The following SLC7A10 variants were observed in gnomAD, a reference collection of about 807,000 sequenced individuals.
The protein encoded by SLC7A10 is asc-type amino acid transporter 1.
Under a neutral mutation model 52.7 loss-of-function variants are expected in SLC7A10, and 30 were observed. That is an observed-to-expected ratio of 0.57 (90% CI 0.43 to 0.77). The LOEUF (loss-of-function observed/expected upper bound fraction) is 0.77, where lower values mean the gene tolerates loss of function less well. Ranked by LOEUF, SLC7A10 falls within the 30% of genes least tolerant of loss-of-function variation. The pLI is 0.00. For synonymous variants in SLC7A10, 318 were observed against 314.9 expected (o/e 1.01, Z -0.10); for missense variants, 581 against 698.5 (o/e 0.83, Z 1.90).
chr19:33,213,953 C>T (rs1974614419), intron 2 of SLC7A10, among the ~76,000 whole-genome samples: 2 of 152,106 alleles, frequency 1.3e-5, no homozygotes, highest in Admixed American at 1.3e-4. Flanking sequence ...AGGACTGCCT[C>T]ATCGGGGACA....
At chr19:33,213,300 T>C (rs1167394186) in intron 2 of SLC7A10, among the ~76,000 whole-genome samples, 1 of 151,132 alleles carries the variant, frequency 6.6e-6, no homozygotes, top group Admixed American at 6.6e-5. Flanking sequence ...TTTCTTTTTT[T>C]TTTTTTGAGA....
chr19:33,224,153 G>A (rs977905982), intron 1 of SLC7A10, among the ~76,000 whole-genome samples: 1 of 152,144 alleles, frequency 6.6e-6, no homozygotes, highest in African/African-American at 2.4e-5. Context: ...CACTGTAGCT[G>A]GTTCTAGGCA....
In SLC7A10 at chr19:33,212,643, C is replaced by T. The variant is rs751898162; in HGVS notation, c.509-4G>A. ...CTGTTCACCCATGTCAGGAGCACTG[C>T]GGAGGGAAGGCGGGGGTGGGCGCCG... On this transcript the variant is annotated splice_polypyrimidine_tract_variant and splice_region_variant and intron_variant, in intron 3 of 10. Transcript: ENST00000253188. The T allele has an allele frequency of 2.7e-5, 43 of 1,613,508 alleles. 1 individual carries two copies. The highest frequency in any genetic ancestry group is 3.3e-4 in the Middle Eastern group (2 of 6,084).
At chr19:33,209,194 G>C in intron 10 of SLC7A10, 114 bp downstream of exon 10, 1 of 1,533,090 alleles carries the variant, frequency 6.5e-7, no homozygotes, top group African/African-American at 1.4e-5. Flanking sequence ...GCTGGGCCCT[G>C]TGTTCCCACC....
chr19:33,211,560 G>T (rs769937859), intron 5 of SLC7A10, 23 bp from the exon 6 acceptor site: 2 of 1,613,914 alleles, frequency 1.2e-6, no homozygotes, highest in Non-Finnish European at 1.7e-6. Context: ...AGTGGAGTGC[G>T]TCAGCGTCAG....
At chr19:33,218,681 CTTTTTTTTTTT>C (rs60465370) in intron 1 of SLC7A10, among the ~76,000 whole-genome samples, 295 of 81,476 alleles carry the variant, frequency 3.6e-3, no homozygotes, top group African/African-American at 9.9e-3. Flanking sequence ...TTCTTTCTTT[CTTTTTTTTTTT>C]TTTTTAGTAG....
In SLC7A10 at chr19:33,209,446, C is replaced by A; in HGVS notation, c.1303G>T (p.Ala435Ser). Residue 435 changes from alanine to serine, a missense_variant, in exon 10 of 11, where the codon GCC (alanine) becomes TCC (serine). Physicochemically the swap from Ala to Ser is moderately conservative, Grantham distance 99. Coordinates refer to ENST00000253188, the MANE Select transcript of SLC7A10 (RefSeq NM_019849.3). ...ATGAAGCTGAAGACCAGCAGGAAGGCCCAGAAGACCAAGTACGCCACGGGG... is the reference window on the plus strand; with the variant it reads ...ATGAAGCTGAAGACCAGCAGGAAGGACCAGAAGACCAAGTACGCCACGGGG... ...LIPVAYLVFWAFLLVFSFISE... is the reference protein window; with the variant it reads ...LIPVAYLVFWSFLLVFSFISE... 1 of 1,613,938 alleles carries A rather than the reference C, an allele frequency of 6.2e-7. No homozygotes were observed. Among genetic ancestry groups the A allele is most frequent in the South Asian group, 1.1e-5 (1 of 91,072 alleles).
rs1448946225 is a variant in SLC7A10 at position 33,209,010 on chromosome 19, G to A, written c.1453C>T (p.His485Tyr). The A allele has an allele frequency of 1.2e-6, 2 of 1,613,770 alleles. No homozygotes were observed. The highest frequency in any genetic ancestry group is 8.5e-7 in the Non-Finnish European group (1 of 1,180,012). ...ACGAAACACAGCTCCTGGCCCCAGTGTGTCATGGACTCTGAGGACAGACAG... is the reference window on the plus strand; with the variant it reads ...ACGAAACACAGCTCCTGGCCCCAGTATGTCATGGACTCTGAGGACAGACAG... Reference protein sequence around the residue: ...CVHRLTESMTHWGQELCFVVY... With the variant: ...CVHRLTESMTYWGQELCFVVY... Residue 485 changes from histidine (H) to tyrosine (Y), a missense_variant, in exon 11 of 11, where the codon CAC becomes TAC. His to Tyr is a moderately conservative substitution (Grantham distance 83, BLOSUM62 2). Coordinates refer to ENST00000253188, the MANE Select transcript of SLC7A10 (RefSeq NM_019849.3).
chr19:33,217,468 C>T (rs1259223194), intron 1 of SLC7A10, among the ~76,000 whole-genome samples: 1 of 150,358 alleles, frequency 6.7e-6, no homozygotes, highest in African/African-American at 2.5e-5. Context: ...CATCTGTGCA[C>T]ATGAATCCGG....
rs1485854590 is a variant in SLC7A10 at position 33,211,415 on chromosome 19, A to G, written c.911T>C (p.Val304Ala). Residue 304 changes from valine to alanine, a missense_variant and splice_region_variant, in exon 6 of 11, where the codon GTG becomes GCG. By Grantham distance (64) the Val-to-Ala change is moderately conservative. Transcript: ENST00000253188. The stretch of plus-strand genomic sequence containing the variant: ...GGGACCGAGCAGGGGCCCACTCACC[A>G]CAGCCACCGCATTGGAGGAGAGCAG... Reference protein sequence around the residue: ...QELLSSNAVAVTFGEKLLGYF... With the variant: ...QELLSSNAVAATFGEKLLGYF... 4 of 1,613,912 alleles carry G rather than the reference A, an allele frequency of 2.5e-6. No homozygotes were observed. In the Admixed American group the frequency reaches 5.0e-5, roughly 20 times the overall value.
chr19:33,209,445 GCCCAGAAGA>G lies in SLC7A10; in HGVS notation c.1295_1303del (p.Val432_Trp434del). On this transcript the variant is annotated inframe_deletion, in exon 10 of 11. Transcript: ENST00000253188. ...GATGAAGCTGAAGACCAGCAGGAAG[GCCCAGAAGA>G]CCAAGTACGCCACGGGGATGAGAAG... The G allele has an allele frequency of 6.2e-7, 1 of 1,614,002 alleles. No homozygotes were observed. Among genetic ancestry groups the G allele is most frequent in the Non-Finnish European group, 8.5e-7 (1 of 1,180,008 alleles).
Position 33,225,494 on chromosome 19 carries a change from A to T in SLC7A10, c.151+59T>A, listed in dbSNP as rs991532111. On this transcript the variant is annotated intron_variant, in intron 1 of 10. Coordinates refer to ENST00000253188, the MANE Select transcript of SLC7A10 (RefSeq NM_019849.3). Reference sequence around the variant, plus strand: ...CGGAGAGGGGACGCCCCTCGTTCGGAGCGGCTGCGCCCCTCATTCGGCCTC... The same window carrying T: ...CGGAGAGGGGACGCCCCTCGTTCGGTGCGGCTGCGCCCCTCATTCGGCCTC... The T allele has an allele frequency of 1.1e-5, 18 of 1,581,956 alleles. No homozygotes were observed. In the Admixed American group the frequency reaches 3.0e-4, roughly 27 times the overall value.
Position 33,208,861 on chromosome 19 carries a change from GAAAC to G in SLC7A10, c.*26_*29del. On this transcript the variant is annotated 3_prime_UTR_variant, in exon 11 of 11. Coordinates refer to ENST00000253188, the MANE Select transcript of SLC7A10 (RefSeq NM_019849.3). The surrounding 1 kb of genome is among the most constrained non-coding windows in gnomAD (Gnocchi z 4.7). ...CTCCTCAATAAACAACATGTAAACA[GAAAC>G]AACTGCTTCAGTCTCTACAAAAATC... 1 of 1,464,330 alleles carries G rather than the reference GAAAC, an allele frequency of 6.8e-7. No individual in the cohort carries two copies. The allele number at this position is 1,464,330 out of a possible 1,614,324, so 90.7% of individuals were successfully genotyped here. A position where few individuals can be genotyped will look rare whatever the true frequency, so the allele number is the denominator to read the frequency against.
chr19:33,215,831 G>T lies in SLC7A10; in HGVS notation c.294C>A (p.Val98=), dbSNP rs1298365131. The part of the protein sequence containing the change: ...LGSLCYAELG[V]AIPKSGGDYA... ...AGTCCCCGCCAGACTTGGGGATGGC[G>T]ACTCCCAGCTCTGCATAGCAGAGGG... Residue 98 remains valine, a synonymous_variant, in exon 2 of 11, where the codon GTC becomes GTA. Transcript: ENST00000253188. 18 of 1,588,936 alleles carry T rather than the reference G, an allele frequency of 1.1e-5. No homozygotes were observed. Among genetic ancestry groups the T allele is most frequent in the South Asian group, 2.3e-5 (2 of 87,138 alleles).
intron 6 of SLC7A10, 37 bp from the exon 7 acceptor site, chr19:33,211,365 G>GGGGCAGGGGCCT (rs761425555): frequency 2.5e-6 from 4 of 1,613,672 alleles, no homozygotes; most frequent in Non-Finnish European, 3.4e-6. Context: ...GTGTAAGGCC[G>GGGGCAGGGGCCT]GGGCAGGGGC....
chr19:33,208,801 G>A lies in SLC7A10; in HGVS notation c.*90C>T. 1.3e-6 allele frequency: 2 copies of A among 1,566,088 alleles called. No individual in the cohort carries two copies. Among genetic ancestry groups the A allele is most frequent in the South Asian group, 1.2e-5 (1 of 86,064 alleles). On this transcript the variant is annotated 3_prime_UTR_variant, in exon 11 of 11. Coordinates refer to ENST00000253188, the MANE Select transcript of SLC7A10 (RefSeq NM_019849.3). The surrounding 1 kb of genome is among the most constrained non-coding windows in gnomAD (Gnocchi z 4.7). The stretch of plus-strand genomic sequence containing the variant: ...TCGTATCTTTTTTCTTTTTTTTCCA[G>A]AAAAAAACAAAACAAAACTTTTTTG...
chr19:33,213,622 A>T (rs967550386), intron 2 of SLC7A10, among the ~76,000 whole-genome samples: 9 of 152,160 alleles, frequency 5.9e-5, no homozygotes, highest in African/African-American at 2.2e-4. Context: ...TAGGCCCCCC[A>T]TTGGACGGAG....
In SLC7A10 at chr19:33,212,837, A is replaced by G. The variant is rs1425409708; in HGVS notation, c.508+14T>C. 6.2e-7 allele frequency: 1 copy of G among 1,613,090 alleles called. No homozygotes were observed. Among genetic ancestry groups the G allele is most frequent in the Non-Finnish European group, 8.5e-7 (1 of 1,179,340 alleles). Reference sequence around the variant, plus strand: ...TGGCTGATCTGGGGACAGTGGGCCAAAGGGGATGCTTACTCAGGCAGGCCA... The same window carrying G: ...TGGCTGATCTGGGGACAGTGGGCCAGAGGGGATGCTTACTCAGGCAGGCCA... On this transcript the variant is annotated intron_variant, in intron 3 of 10. Coordinates refer to ENST00000253188, the MANE Select transcript of SLC7A10 (RefSeq NM_019849.3).
intron 2 of SLC7A10, 47 bp from the exon 3 acceptor site, chr19:33,213,049 C>G: frequency 6.4e-7 from 1 of 1,555,672 alleles, no homozygotes; most frequent in African/African-American, 1.4e-5. Flanking sequence ...CAGAGCCCTT[C>G]CCGGCCAACC....
Sources: allele counts gnomAD v4.1 joint callset (sites outside exome capture counted in the v4.1 genomes callset), GRCh38; gene constraint gnomAD v4.1.1; non-coding constraint Gnocchi (gnomAD v3.1); transcripts MANE v1.5; gene names NCBI Gene and HGNC (gene_info 2026-07-23, HGNC 2026-07-21).